The following GREB1 variants were observed in gnomAD, a reference collection of about 807,000 sequenced individuals.
GREB1 encodes the protein protein GREB1.
A neutral mutation model predicts 200.7 loss-of-function variants in GREB1; 106 were observed. The ratio of observed to expected loss-of-function variants is 0.53; its 90% confidence interval spans 0.45 to 0.62. The LOEUF is 0.62. Ranked by LOEUF, GREB1 falls within the 20% of genes least tolerant of loss-of-function variation. GREB1 has a pLI of 0.00. For synonymous variants in GREB1, 1,132 were observed against 1,092.4 expected (o/e 1.04, Z -0.72); for missense variants, 2,243 against 2,556.8 (o/e 0.88, Z 2.65).
intron 4 of GREB1, among the ~76,000 whole-genome samples, chr2:11,567,661 C>T (rs559332357): frequency 4.5e-4 from 69 of 152,296 alleles, no homozygotes; most frequent in Non-Finnish European, 7.2e-4. Context: ...TTCCAACAAC[C>T]GCTGGCCCAC....
chr2:11,627,865 G>T (rs553005490), intron 25 of GREB1, among the ~76,000 whole-genome samples: 2 of 152,178 alleles, frequency 1.3e-5, no homozygotes, highest in South Asian at 4.1e-4. Flanking sequence ...TGTTTGGGTC[G>T]GGAGCGGAAG....
In GREB1 at chr2:11,504,783, C is replaced by A. The variant is rs550372822; in HGVS notation, c.-159+22402C>A. On this transcript the variant is annotated intron_variant, in intron 1 of 2. Transcript: ENST00000628795. ...TGATTGCTTATTTCTACTTGTTGGC[C>A]ATTATGAATAATTCGACATTACTTT... 5.9e-5 allele frequency among the ~76,000 whole-genome samples: 9 copies of A among 152,292 alleles called. No individual in the cohort carries two copies. In the South Asian group the frequency reaches 1.9e-3, roughly 32 times the overall value.
chr2:11,632,035 G>A lies in GREB1; in HGVS notation c.4738G>A (p.Glu1580Lys). Residue 1580 changes from glutamate (E) to lysine (K), a missense_variant, in exon 27 of 33, where the codon GAG (glutamate) becomes AAG (lysine). Coordinates refer to ENST00000381486, the MANE Select transcript of GREB1 (RefSeq NM_014668.4). ...GCACGTGCTGGTTGTCAAGGAATAC[G>A]AGATGGCAATTTATAAGAAATATTG... ...HLHVLVVKEY[E>K]MAIYKKYWPN... is the part of the protein sequence containing the mutation. 2 of 1,614,006 alleles carry A rather than the reference G, an allele frequency of 1.2e-6. No homozygotes were observed. The highest frequency in any genetic ancestry group is 1.7e-6 in the Non-Finnish European group (2 of 1,179,908).
At position 11,633,740 on chromosome 2, in the gene GREB1, C is replaced by G. The variant is rs1572214963; in HGVS notation, c.4992-391C>G. Among the ~76,000 whole-genome samples the G allele has an allele frequency of 1.3e-5, 2 of 152,248 alleles. No individual in the cohort carries two copies. The highest frequency in any genetic ancestry group is 4.8e-5 in the African/African-American group (2 of 41,544). On this transcript the variant is annotated intron_variant, in intron 28 of 32. Transcript: ENST00000381486. This position sits in a 1 kb window ranked among gnomAD's most constrained non-coding sequence, Gnocchi z 4.1. ...ATTAAGAAAGGGACATTGCTGCCCC[C>G]CCAGAAACTCCCTTCCTGCTGCCCC...
rs769927845 is a variant in GREB1, at chr2:11,618,348, C to T, written c.3473C>T (p.Ala1158Val). Residue 1158 changes from alanine to valine, a missense_variant, in exon 22 of 33, where the codon GCC becomes GTC. Physicochemically the swap from Ala to Val is moderately conservative, Grantham distance 64 (BLOSUM62 0). Around this residue, in one of 3 missense-constraint regions of GREB1, gnomAD observed 587 missense variants for 553.1 expected, o/e 1.06. Coordinates refer to ENST00000381486, the MANE Select transcript of GREB1 (RefSeq NM_014668.4). Reference sequence around the variant, plus strand: ...ACAGCACTCCCCCAGGGAGAGCATGCCAGGTCGCCCCAGCCCCGTGGCCCC... The same window carrying T: ...ACAGCACTCCCCCAGGGAGAGCATGTCAGGTCGCCCCAGCCCCGTGGCCCC... The part of the protein sequence containing the change: ...QPTALPQGEH[A>V]RSPQPRGPAE... The T allele has an allele frequency of 3.7e-6, 6 of 1,607,134 alleles. No individual in the cohort carries two copies. The highest frequency in any genetic ancestry group is 5.1e-6 in the Non-Finnish European group (6 of 1,176,346).
intron 9 of GREB1, chr2:11,588,534 C>T: frequency 1.6e-6 from 1 of 629,370 alleles, no homozygotes; most frequent in East Asian, 2.8e-5. Flanking sequence ...TGGCACAGCC[C>T]CATTGGTTAG....
At position 11,585,245 on chromosome 2, in the gene GREB1, C is replaced by T. The variant is rs1374223687; in HGVS notation, c.986C>T (p.Pro329Leu). The T allele has an allele frequency of 6.4e-7, 1 of 1,569,972 alleles. No individual in the cohort carries two copies. Among genetic ancestry groups the T allele is most frequent in the African/African-American group, 1.4e-5 (1 of 73,030 alleles). ...CCATCAGCTCCAGATGGTGGCTGCCCCCAAGGTGGTGGGAACAGAGCTAAG... is the reference window on the plus strand; with the variant it reads ...CCATCAGCTCCAGATGGTGGCTGCCTCCAAGGTGGTGGGAACAGAGCTAAG... Reference protein sequence around the residue: ...ESPSAPDGGCPQGGGNRAKYE... With the variant: ...ESPSAPDGGCLQGGGNRAKYE... The change falls in exon 8 of 33, where the codon CCC becomes CTC. Residue 329 changes from proline (P) to leucine (L), a missense_variant. Pro to Leu is a moderately conservative substitution (Grantham distance 98). Around this residue, in one of 3 missense-constraint regions of GREB1, gnomAD observed 1,178 missense variants for 1,387.4 expected, o/e 0.85. Transcript: ENST00000381486.
upstream of GREB1, among the ~76,000 whole-genome samples, chr2:11,530,483 G>A (rs560281597): frequency 5.3e-5 from 8 of 150,006 alleles, no homozygotes; most frequent in East Asian, 3.9e-4. Context: ...CAGGGGAATC[G>A]CTTGAACCGG....
At chr2:11,526,925 T>C (rs1215909438) in intron 1 of GREB1, among the ~76,000 whole-genome samples, 1 of 152,180 alleles carries the variant, frequency 6.6e-6, no homozygotes, top group Non-Finnish European at 1.5e-5. Flanking sequence ...TTGCTACTTC[T>C]TGATTTTTGA....
At chr2:11,627,216 G>C (rs1684538631) in intron 25 of GREB1, 112 bp downstream of exon 25, 17 of 991,998 alleles carry the variant, frequency 1.7e-5, no homozygotes, top group Non-Finnish European at 2.5e-5. Flanking sequence ...TGGAAGCCCT[G>C]GCTTCCTGGT....
chr2:11,595,407 T>C (rs1189740784), intron 12 of GREB1, 28 bp downstream of exon 12: 19 of 1,606,722 alleles, frequency 1.2e-5, no homozygotes, highest in Admixed American at 1.7e-5. Flanking sequence ...CAGGTGCACA[T>C]GCGTATGTTA....
intron 1 of GREB1, among the ~76,000 whole-genome samples, chr2:11,545,519 G>A (rs1039360798): frequency 1.3e-5 from 2 of 152,146 alleles, no homozygotes; most frequent in African/African-American, 4.8e-5. Flanking sequence ...CCCAAAGTTT[G>A]GAGCATGGCT....
At chr2:11,520,828 G>A (rs1673679658) in intron 1 of GREB1, among the ~76,000 whole-genome samples, 1 of 152,176 alleles carries the variant, frequency 6.6e-6, no homozygotes, top group Non-Finnish European at 1.5e-5. Context: ...CCGGGCTTTA[G>A]GGGGTGGCTG....
intron 1 of GREB1, among the ~76,000 whole-genome samples, chr2:11,535,734 G>A (rs1674261966): frequency 1.3e-5 from 2 of 152,118 alleles, no homozygotes; most frequent in African/African-American, 2.4e-5. Context: ...GGGAAGGCTT[G>A]GGTCCTTGGG....
chr2:11,612,866 G>A (rs1329117529), intron 19 of GREB1, among the ~76,000 whole-genome samples: 1 of 152,224 alleles, frequency 6.6e-6, no homozygotes, highest in African/African-American at 2.4e-5. Context: ...CTCTACGGGT[G>A]GAGGCTCTGC....
chr2:11,528,392 A>G (rs1673956276), intron 1 of GREB1, among the ~76,000 whole-genome samples: 1 of 152,232 alleles, frequency 6.6e-6, no homozygotes, highest in Non-Finnish European at 1.5e-5. Context: ...GTGTTCTTCT[A>G]TTCCTTGTCT....
Position 11,637,890 on chromosome 2 carries a change from G to A in GREB1, c.5521G>A (p.Asp1841Asn), listed in dbSNP as rs535506132. 1.1e-5 allele frequency: 17 copies of A among 1,613,936 alleles called. No individual in the cohort carries two copies. Among genetic ancestry groups the A allele is most frequent in the East Asian group, 2.2e-5 (1 of 44,886 alleles). Residue 1841 changes from aspartate to asparagine, a missense_variant, in exon 31 of 33, where the codon GAC becomes AAC. Physicochemically the swap from Asp to Asn is conservative, Grantham distance 23. Around this residue, in one of 3 missense-constraint regions of GREB1, gnomAD observed 478 missense variants for 616.3 expected, o/e 0.78. Coordinates refer to ENST00000381486, the MANE Select transcript of GREB1 (RefSeq NM_014668.4). ...CCATGACCACCCAGTGCTGTCTGTCGACTGTTACCTGAACCTGGGATCTCA... is the reference window on the plus strand; with the variant it reads ...CCATGACCACCCAGTGCTGTCTGTCAACTGTTACCTGAACCTGGGATCTCA... Reference protein sequence around the residue: ...KNHDHPVLSVDCYLNLGSQIS... With the variant: ...KNHDHPVLSVNCYLNLGSQIS...
At position 11,615,113 on chromosome 2, in the gene GREB1, C is replaced by A. The variant is rs373816391; in HGVS notation, c.3145C>A (p.Arg1049=). ...TAGGTCTTTGAGGTACTGTGACCTG[C>A]GATTGATAAACTCCTCCTGCTTGGT... ...LPRSLRYCDL[R]LINSSCLVRT... The change falls in exon 20 of 33, where the codon CGA becomes AGA. Residue 1049 remains arginine, a synonymous_variant. Transcript: ENST00000381486. The A allele has an allele frequency of 8.1e-6, 13 of 1,613,904 alleles. No individual in the cohort carries two copies. In the East Asian group the frequency reaches 2.7e-4, roughly 33 times the overall value.
At chr2:11,562,327 G>A (rs1301944890) in intron 2 of GREB1, 136 bp from the exon 3 acceptor site, 2 of 1,107,650 alleles carry the variant, frequency 1.8e-6, no homozygotes, top group Non-Finnish European at 2.6e-6. Context: ...TTAAGGATGG[G>A]TGGAACCCAT....
Sources: allele counts gnomAD v4.1 joint callset (sites outside exome capture counted in the v4.1 genomes callset), GRCh38; gene constraint gnomAD v4.1.1; regional missense constraint gnomAD v4.1.1; non-coding constraint Gnocchi (gnomAD v3.1); transcripts MANE v1.5; gene names NCBI Gene and HGNC (gene_info 2026-07-23, HGNC 2026-07-21).